The following PRH1 variants were observed in gnomAD, a reference collection of about 807,000 sequenced individuals.
PRH1 encodes the protein proline rich protein HaeIII subfamily 1.
PRH1 carries 7 observed loss-of-function variants against 7.9 expected under a neutral mutation model. The observed-to-expected ratio is 0.89, with a 90% confidence interval of 0.50 to 1.67. The LOEUF (loss-of-function observed/expected upper bound fraction) is 1.67, where lower values mean the gene tolerates loss of function less well. Ranked by LOEUF, PRH1 falls within the 40% of genes most tolerant of loss-of-function variation. The pLI, the probability that PRH1 is intolerant of heterozygous loss-of-function variation, is 0.00. For missense variants in PRH1, 109 were observed against 223.6 expected, an observed-to-expected ratio of 0.49 and a Z score of 3.27; for synonymous variants, 45 against 80.8, an observed-to-expected ratio of 0.56 and a Z score of 2.38.
intron 2 of PRH1, chr12:10,930,988 C>T: frequency 2.5e-6 from 4 of 1,595,506 alleles, no homozygotes; most frequent in Non-Finnish European, 3.4e-6. Flanking sequence ...CCCACCTCCT[C>T]CTGGAAAGCC....
intron 1 of PRH1, 99 bp downstream of exon 1, chr12:10,884,055 G>T (rs1443020800): frequency 2.5e-5 from 37 of 1,452,378 alleles, no homozygotes; most frequent in Non-Finnish European, 3.3e-5. Flanking sequence ...AGTCCCATCT[G>T]TTTTCTCATC....
intron 1 of PRH1, among the ~76,000 whole-genome samples, chr12:11,113,938 G>C (rs1356007647): frequency 6.6e-6 from 1 of 152,132 alleles, no homozygotes; most frequent in African/African-American, 2.4e-5. Context: ...TTAGAGAAAT[G>C]CAAATCAAAA....
At chr12:11,061,499 C>T in intron 1 of PRH1, 5 of 1,614,120 alleles carry the variant, frequency 3.1e-6, no homozygotes, top group Non-Finnish European at 4.2e-6. Context: ...AATGCAATAG[C>T]TTCGCAGAAC....
chr12:11,137,556 T>C (rs1376102849), intron 1 of PRH1, among the ~76,000 whole-genome samples: 1 of 152,192 alleles, frequency 6.6e-6, no homozygotes, highest in Non-Finnish European at 1.5e-5. Context: ...TTTGTCTTTC[T>C]TACTAGGGAG....
At chr12:11,078,032 A>C in intron 1 of PRH1, 2 of 687,882 alleles carry the variant, frequency 2.9e-6, no homozygotes, top group Non-Finnish European at 5.2e-6. Context: ...GCTGAATTAA[A>C]CACATTTGCA....
intron 1 of PRH1, among the ~76,000 whole-genome samples, chr12:11,147,660 A>C (rs201948353): frequency 6.6e-6 from 1 of 152,188 alleles, no homozygotes; most frequent in Non-Finnish European, 1.5e-5. Context: ...ATTATACTGT[A>C]AATTTGTCTA....
upstream of PRH1, among the ~76,000 whole-genome samples, chr12:11,051,513 A>C (rs1943143148): frequency 6.6e-6 from 1 of 152,238 alleles, no homozygotes; most frequent in African/African-American, 2.4e-5. Context: ...ATAAACACTC[A>C]TGTAACCATC....
At chr12:11,092,189 A>G (rs1415350438) in intron 1 of PRH1, 1 of 1,344,924 alleles carries the variant, frequency 7.4e-7, no homozygotes, top group South Asian at 1.1e-5. Flanking sequence ...AAATGTAACC[A>G]CTACCAGACT....
intron 1 of PRH1, among the ~76,000 whole-genome samples, chr12:11,001,113 G>C (rs528981999): frequency 6.6e-6 from 1 of 151,502 alleles, no homozygotes; most frequent in African/African-American, 2.4e-5. Context: ...ACATCCTTCC[G>C]CAAGTTGGAA....
At chr12:10,963,298 A>G (rs1031596292) in intron 2 of PRH1, among the ~76,000 whole-genome samples, 7 of 152,200 alleles carry the variant, frequency 4.6e-5, no homozygotes, top group Non-Finnish European at 4.4e-5. Flanking sequence ...CTCTCACTGC[A>G]TTATTTGCAA....
chr12:11,073,050 A>G (rs2167477), intron 1 of PRH1, among the ~76,000 whole-genome samples: 6,194 of 94,870 alleles, frequency 0.065, no homozygotes, highest in East Asian at 0.34. Flanking sequence ...GATACACCTG[A>G]TAATATTTGG....
chr12:10,985,518 G>A (rs1384170209), intron 1 of PRH1, among the ~76,000 whole-genome samples: 1 of 152,072 alleles, frequency 6.6e-6, no homozygotes, highest in African/African-American at 2.4e-5. Flanking sequence ...CATATGTGTG[G>A]TAAAAATCAG....
intron 1 of PRH1, among the ~76,000 whole-genome samples, chr12:10,975,204 C>T (rs543274929): frequency 6.6e-6 from 1 of 152,336 alleles, no homozygotes; most frequent in Admixed American, 6.5e-5. Flanking sequence ...GGAACCCCAT[C>T]AGGCTAACAA....
At chr12:10,940,439 A>T (rs908517355) in intron 2 of PRH1, among the ~76,000 whole-genome samples, 1 of 152,254 alleles carries the variant, frequency 6.6e-6, no homozygotes, top group Non-Finnish European at 1.5e-5. Flanking sequence ...TTCTCTGTAC[A>T]TGTGAGAAGA....
rs1380321186 is a variant in PRH1, at chr12:11,094,156, G to T, written n.124-46968C>A. Reference sequence around the variant, plus strand: ...GTCTCTACTAAAAATACAAAAATTAGCAGGGCATGGTGGTGTGGGCCTGTA... The same window carrying T: ...GTCTCTACTAAAAATACAAAAATTATCAGGGCATGGTGGTGTGGGCCTGTA... On this transcript the variant is annotated intron_variant and non_coding_transcript_variant, in intron 1 of 4. Coordinates refer to the PRH1 transcript ENST00000541977. Among the ~76,000 whole-genome samples the T allele has an allele frequency of 2.7e-5, 3 of 112,218 alleles. 1 individual carries two copies. Among genetic ancestry groups the T allele is most frequent in the African/African-American group, 9.0e-5 (3 of 33,238 alleles). The allele number at this position is 112,218 out of a possible 152,430, so 73.6% of individuals were successfully genotyped here.
chr12:11,151,774 T>A (rs1947095305), intron 1 of PRH1, among the ~76,000 whole-genome samples: 1 of 152,222 alleles, frequency 6.6e-6, no homozygotes, highest in South Asian at 2.1e-4. Flanking sequence ...GGTTAAATTT[T>A]CTATTATAAT....
downstream of PRH1, chr12:11,120,696 T>A (rs1032171596): frequency 6.6e-6 from 1 of 152,134 alleles, no homozygotes; most frequent in Non-Finnish European, 1.5e-5. Flanking sequence ...AAAGTATCTG[T>A]GGGAGGTTTG....
At chr12:11,123,459 A>T (rs1326979532) in intron 1 of PRH1, among the ~76,000 whole-genome samples, 1 of 152,132 alleles carries the variant, frequency 6.6e-6, no homozygotes, top group Non-Finnish European at 1.5e-5. Context: ...CTTTATTGCT[A>T]TTTGCATATA....
chr12:11,037,005 C>G (rs1332317463), intron 1 of PRH1, among the ~76,000 whole-genome samples: 1 of 152,182 alleles, frequency 6.6e-6, no homozygotes, highest in Non-Finnish European at 1.5e-5. Context: ...GACAAGTACC[C>G]TCACATGGTA....
Sources: gnomAD v4.1 joint callset for allele counts (sites outside exome capture counted in the v4.1 genomes callset) on GRCh38, gnomAD v4.1.1 for gene constraint, MANE v1.5 for transcripts, NCBI Gene and HGNC (gene_info 2026-07-23, HGNC 2026-07-21) for gene names.